ADAMTS6: variants seen among roughly 807,000 people sequenced by gnomAD.
ADAMTS6 encodes A disintegrin and metalloproteinase with thrombospondin motifs 6.
A neutral mutation model predicts 144.3 loss-of-function variants in ADAMTS6; 23 were observed. The observed-to-expected ratio is 0.16, with a 90% CI of 0.11 to 0.23. ADAMTS6 has a LOEUF of 0.23. Among genes scored for constraint, ADAMTS6 ranks in the 10% least tolerant of loss-of-function variants. The pLI is 1.00. For synonymous variants in ADAMTS6, 444 were observed against 457.5 expected (o/e 0.97, Z 0.38); for missense variants, 999 against 1,379.6 (o/e 0.72, Z 4.37).
intron 7 of ADAMTS6, among the ~76,000 whole-genome samples, chr5:65,336,066 C>T (rs891359293): frequency 1.2e-4 from 19 of 152,022 alleles, no homozygotes; most frequent in African/African-American, 3.4e-4. Flanking sequence ...ACATTGAATG[C>T]TAAACCAGAT....
In ADAMTS6 at chr5:65,434,892, C is replaced by T. The variant is rs563829953; in HGVS notation, c.1073+16583G>A. On this transcript the variant is annotated intron_variant, in intron 7 of 24. Transcript: ENST00000381055. ...CATTAGCTCTACTTCTAGGTATTTG[C>T]CCTAGAGAACTCCTAAGGAGACAGA... Among the ~76,000 whole-genome samples the T allele has an allele frequency of 1.4e-4, 21 of 152,186 alleles. No homozygotes were observed. In the South Asian group the frequency reaches 1.7e-3, roughly 12 times the overall value.
chr5:65,267,359 A>T (rs1181427985), intron 12 of ADAMTS6, among the ~76,000 whole-genome samples: 2 of 152,076 alleles, frequency 1.3e-5, no homozygotes, highest in African/African-American at 4.8e-5. Flanking sequence ...CTTCTTGCTA[A>T]TTGGGGTATG....
At chr5:65,373,943 G>T (rs1207063785) in intron 7 of ADAMTS6, among the ~76,000 whole-genome samples, 1 of 152,174 alleles carries the variant, frequency 6.6e-6, no homozygotes, top group Non-Finnish European at 1.5e-5. Context: ...GGGATGCAAG[G>T]CTGGTTCAAT....
intron 12 of ADAMTS6, among the ~76,000 whole-genome samples, chr5:65,264,619 A>G (rs986447800): frequency 6.6e-6 from 1 of 152,060 alleles, no homozygotes; most frequent in Non-Finnish European, 1.5e-5. Context: ...TTACTTATCA[A>G]ATTACTTCTT....
intron 22 of ADAMTS6, among the ~76,000 whole-genome samples, chr5:65,177,878 C>T (rs951826101): frequency 2.0e-5 from 3 of 152,186 alleles, no homozygotes; most frequent in Non-Finnish European, 4.4e-5. Flanking sequence ...TGCATGGTAG[C>T]TCTCTTCCAG....
intron 7 of ADAMTS6, among the ~76,000 whole-genome samples, chr5:65,420,117 G>C (rs1755895070): frequency 6.6e-6 from 1 of 152,182 alleles, no homozygotes; most frequent in South Asian, 2.1e-4. Context: ...GCAGGAAGAA[G>C]TGCCAAGCAA....
rs113994909 is a variant in ADAMTS6 at position 65,349,474 on chromosome 5, A to G, written c.1074-15389T>C. Among the ~76,000 whole-genome samples the G allele has an allele frequency of 4.2e-3, 639 of 152,264 alleles. 5 individuals carry two copies. The highest frequency in any genetic ancestry group is 0.015 in the African/African-American group (608 of 41,552). On this transcript the variant is annotated intron_variant, in intron 7 of 24. Transcript: ENST00000381055. ...TTCAATGTAATCATTTCGCTTTTTT[A>G]CTGGTATTTATCATCAAACCAACTG...
At chr5:65,177,281 T>A (rs1172208373) in intron 22 of ADAMTS6, among the ~76,000 whole-genome samples, 1 of 152,192 alleles carries the variant, frequency 6.6e-6, no homozygotes, top group Non-Finnish European at 1.5e-5. Flanking sequence ...AACTCTTTCA[T>A]CTATTCTATT....
Position 65,260,603 on chromosome 5 carries a change from T to C in ADAMTS6, c.1827A>G (p.Thr609=). 2 of 1,613,264 alleles carry C rather than the reference T, an allele frequency of 1.2e-6. No individual in the cohort carries two copies. The highest frequency in any genetic ancestry group is 1.7e-6 in the Non-Finnish European group (2 of 1,179,586). Residue 609 remains threonine, a synonymous_variant, in exon 14 of 25, where the codon ACA becomes ACG. Transcript: ENST00000381055. ...GERKRYRSCN[T]DPCPLGSRDF... ...AACAGAGTTTGGTTTTACTTACATC[T>C]GTGTTACAGGAGCGATACCGTTTCC...
At chr5:65,159,134 C>G (rs1466746132) in intron 24 of ADAMTS6, among the ~76,000 whole-genome samples, 3 of 152,058 alleles carry the variant, frequency 2.0e-5, no homozygotes, top group Non-Finnish European at 4.4e-5. Context: ...TTTTTATTCT[C>G]CTTTCATTTT....
At chr5:65,452,563 G>C (rs1027602902) in intron 5 of ADAMTS6, 144 bp downstream of exon 5, 3 of 709,872 alleles carry the variant, frequency 4.2e-6, no homozygotes, top group Non-Finnish European at 6.7e-6. Flanking sequence ...TATTTTTATG[G>C]AACTGAAACA....
At chr5:65,430,204 T>C (rs1334535983) in intron 7 of ADAMTS6, among the ~76,000 whole-genome samples, 1 of 150,942 alleles carries the variant, frequency 6.6e-6, no homozygotes, top group African/African-American at 2.4e-5. Flanking sequence ...TTAACCACCA[T>C]TGAAGGGCTG....
intron 3 of ADAMTS6, among the ~76,000 whole-genome samples, chr5:65,469,241 A>G (rs1760251052): frequency 6.6e-6 from 1 of 152,156 alleles, no homozygotes; most frequent in African/African-American, 2.4e-5. Context: ...TTTATTCTCA[A>G]TGCCATAGTC....
intron 7 of ADAMTS6, among the ~76,000 whole-genome samples, chr5:65,436,781 C>T (rs1391050292): frequency 6.6e-6 from 1 of 151,898 alleles, no homozygotes; most frequent in East Asian, 1.9e-4. Context: ...TTGCTTGAAC[C>T]CAGGAGACGG....
intron 4 of ADAMTS6, among the ~76,000 whole-genome samples, chr5:65,458,976 T>C (rs984143380): frequency 2.0e-5 from 3 of 152,154 alleles, no homozygotes; most frequent in African/African-American, 4.8e-5. Flanking sequence ...TCAAAGCGCA[T>C]GTTCTTTTTG....
intron 24 of ADAMTS6, among the ~76,000 whole-genome samples, chr5:65,156,237 C>T (rs1430144135): frequency 6.6e-6 from 1 of 151,936 alleles, no homozygotes; most frequent in Non-Finnish European, 1.5e-5. Flanking sequence ...ATCCTTAAAG[C>T]CCAGTGAAAT....
intron 2 of ADAMTS6, 82 bp downstream of exon 2, chr5:65,473,495 C>A (rs758202205): frequency 8.2e-7 from 1 of 1,217,786 alleles, no homozygotes; most frequent in Non-Finnish European, 1.2e-6. Flanking sequence ...AAAAAACTAT[C>A]CACCCAAACT....
At chr5:65,273,253 A>T in intron 12 of ADAMTS6, 87 bp downstream of exon 12, 2 of 1,130,416 alleles carry the variant, frequency 1.8e-6, no homozygotes, top group Non-Finnish European at 2.6e-6. Context: ...AAATGAATAT[A>T]TAAGACTTCC....
intron 14 of ADAMTS6, among the ~76,000 whole-genome samples, chr5:65,247,301 A>C (rs947931252): frequency 6.6e-6 from 1 of 152,200 alleles, no homozygotes; most frequent in South Asian, 2.1e-4. Flanking sequence ...CTTGTTTAGA[A>C]GTATCTCCTT....
Sources: gnomAD v4.1 joint callset for allele counts (sites outside exome capture counted in the v4.1 genomes callset) on GRCh38, gnomAD v4.1.1 for gene constraint, MANE v1.5 for transcripts, NCBI Gene and HGNC (gene_info 2026-07-23, HGNC 2026-07-21) for gene names.